The following CFAP210 variants were observed in gnomAD, a reference collection of about 807,000 sequenced individuals.
The protein encoded by CFAP210 is cilia- and flagella- associated protein 210.
the CFAP210 span, among the ~76,000 whole-genome samples, chr2:169,683,506 T>C: frequency 1.3e-5 from 2 of 152,214 alleles, no homozygotes; most frequent in Non-Finnish European, 2.9e-5. Context: ...AGTTAAACCA[T>C]CTGCCTTTTG....
the CFAP210 span, among the ~76,000 whole-genome samples, chr2:169,687,574 T>C: frequency 0.99 from 150,913 of 152,326 alleles, 74,775 homozygotes; most frequent in Middle Eastern, 1. Context: ...ATTCAGGTCA[T>C]GCTGATGCAA....
chr2:169,679,494 T>C, the CFAP210 span, among the ~76,000 whole-genome samples: 1 of 151,976 alleles, frequency 6.6e-6, no homozygotes, highest in Non-Finnish European at 1.5e-5. Flanking sequence ...CTGGCTAACA[T>C]GGTGAAAACC....
the CFAP210 span, among the ~76,000 whole-genome samples, chr2:169,660,602 ATATT>A: frequency 1.5e-4 from 17 of 114,106 alleles, no homozygotes; most frequent in South Asian, 5.8e-4. Flanking sequence ...ATATATATAT[ATATT>A]TTTTTTTTTT....
chr2:169,651,159 G>A, the CFAP210 span, among the ~76,000 whole-genome samples: 13 of 147,314 alleles, frequency 8.8e-5, no homozygotes, highest in Non-Finnish European at 1.2e-4. Flanking sequence ...CCTAGGAGGC[G>A]TAGGTTGCAG....
At chr2:169,651,874 C>T in the CFAP210 span, among the ~76,000 whole-genome samples, 8 of 111,956 alleles carry the variant, frequency 7.1e-5, no homozygotes, top group South Asian at 1.5e-3. Flanking sequence ...CTATAAGGTT[C>T]CTTTTTTTTT....
the CFAP210 span, among the ~76,000 whole-genome samples, chr2:169,653,058 ATATATATATG>A: frequency 3.4e-4 from 34 of 100,196 alleles, no homozygotes; most frequent in East Asian, 4.1e-3. Flanking sequence ...ATATATATAT[ATATATATATG>A]TATGTGTGTA....
chr2:169,645,982 T>TC, the CFAP210 span: 1 of 1,613,974 alleles, frequency 6.2e-7, no homozygotes. Flanking sequence ...CAAACACTGG[T>TC]CCACGGCCAC....
chr2:169,649,558 T>C, the CFAP210 span, among the ~76,000 whole-genome samples: 1 of 152,202 alleles, frequency 6.6e-6, no homozygotes, highest in African/African-American at 2.4e-5. Flanking sequence ...CCAAGTGCTA[T>C]AGGACAATCC....
the CFAP210 span, among the ~76,000 whole-genome samples, chr2:169,679,355 T>A: frequency 6.6e-6 from 1 of 152,130 alleles, no homozygotes; most frequent in Non-Finnish European, 1.5e-5. Flanking sequence ...CCAGTCGACA[T>A]CTTCCTCCCA....
At chr2:169,665,459 C>T in the CFAP210 span, among the ~76,000 whole-genome samples, 1 of 144,784 alleles carries the variant, frequency 6.9e-6, no homozygotes, top group African/African-American at 2.6e-5. Context: ...CATCACCACA[C>T]CCAGCTAATT....
chr2:169,674,460 T>C, the CFAP210 span: 1 of 844,122 alleles, frequency 1.2e-6, no homozygotes, highest in Non-Finnish European at 1.8e-6. Flanking sequence ...ACCTCCTTTT[T>C]GTACTTTTTC....
At chr2:169,663,338 T>A in the CFAP210 span, among the ~76,000 whole-genome samples, 13 of 151,892 alleles carry the variant, frequency 8.6e-5, no homozygotes, top group Non-Finnish European at 2.9e-5. Context: ...AATAGATGAA[T>A]GTCTGAGGAA....
At chr2:169,665,210 TA>T in the CFAP210 span, among the ~76,000 whole-genome samples, 183 of 152,278 alleles carry the variant, frequency 1.2e-3, no homozygotes, top group African/African-American at 4.0e-3. Flanking sequence ...GGGTGAGGCC[TA>T]AAAAAGAAGT....
At chr2:169,661,748 CA>C in the CFAP210 span, among the ~76,000 whole-genome samples, 1 of 152,178 alleles carries the variant, frequency 6.6e-6, no homozygotes, top group African/African-American at 2.4e-5. Context: ...ATAGCTATCC[CA>C]AAAGGATGCA....
At chr2:169,645,832 A>AT in the CFAP210 span, 1 of 1,564,534 alleles carries the variant, frequency 6.4e-7, no homozygotes, top group Non-Finnish European at 8.7e-7. Context: ...TGTTAAAAAT[A>AT]ATTTTTTTCT....
the CFAP210 span, chr2:169,681,047 C>G: frequency 3.1e-6 from 5 of 1,613,828 alleles, no homozygotes; most frequent in Non-Finnish European, 4.2e-6. Context: ...TTCTTGAGAT[C>G]GCAAATGCAT....
At chr2:169,673,796 T>A in the CFAP210 span, among the ~76,000 whole-genome samples, 1 of 152,126 alleles carries the variant, frequency 6.6e-6, no homozygotes, top group Non-Finnish European at 1.5e-5. Context: ...ATGTTCCATA[T>A]CTTGATTTGA....
At chr2:169,657,021 G>A in the CFAP210 span, among the ~76,000 whole-genome samples, 3 of 144,176 alleles carry the variant, frequency 2.1e-5, no homozygotes, top group South Asian at 2.3e-4. Flanking sequence ...AGAAGGTGTC[G>A]AAGGTGTCTT....
the CFAP210 span, among the ~76,000 whole-genome samples, chr2:169,682,206 T>G: frequency 2.1e-5 from 3 of 141,574 alleles, no homozygotes; most frequent in Non-Finnish European, 4.8e-5. Context: ...ACAGCCAAAC[T>G]TACTCTAACT....
Sources: allele counts gnomAD v4.1 joint callset (sites outside exome capture counted in the v4.1 genomes callset), GRCh38; gene constraint gnomAD v4.1.1; transcripts MANE v1.5; gene names NCBI Gene and HGNC (gene_info 2026-07-23, HGNC 2026-07-21).